Variants in MYH9 observed in about 807,000 individuals in gnomAD.
MYH9 encodes myosin-9.
In MYH9, 29 loss-of-function variants were observed where a neutral mutation model predicts 241.9. The ratio of observed to expected loss-of-function variants is 0.12; its 90% CI spans 0.09 to 0.16. The LOEUF (loss-of-function observed/expected upper bound fraction) is 0.16, where lower values mean the gene tolerates loss of function less well. Among genes scored for constraint, MYH9 ranks in the 10% least tolerant of loss-of-function variants. The pLI, the probability that MYH9 is intolerant of heterozygous loss-of-function variation, is 1.00. For synonymous variants in MYH9, 1,047 were observed against 1,062.6 expected (o/e 0.99, Z 0.29); for missense variants, 1,803 against 2,595.5 (o/e 0.69, Z 6.63).
rs377647827 is a variant in MYH9 at position 36,320,396 on chromosome 22, G to A, written c.869-33C>T. ...GGGTGGAGGGCAAGGGCGCCTCAGCGAGGTGCTGAAAGTGGAGGCTCCATC... is the reference window on the plus strand; with the variant it reads ...GGGTGGAGGGCAAGGGCGCCTCAGCAAGGTGCTGAAAGTGGAGGCTCCATC... On this transcript the variant is annotated intron_variant, in intron 8 of 40. Coordinates refer to ENST00000216181, the MANE Select transcript of MYH9 (RefSeq NM_002473.6). The surrounding 1 kb of genome is among the most constrained non-coding windows in gnomAD (Gnocchi z 4.8). The A allele has an allele frequency of 2.4e-5, 38 of 1,609,188 alleles. No individual in the cohort carries two copies. Among genetic ancestry groups the A allele is most frequent in the Non-Finnish European group, 3.1e-5 (36 of 1,179,962 alleles).
Position 36,321,755 on chromosome 22 carries a change from T to C in MYH9, c.769+3A>G. ...CTCTTATCCCAACGAACCACAAGGA[T>C]ACAAGTCTCAATGTTGGCTCCAACA... On this transcript the variant is annotated splice_donor_region_variant and intron_variant, in intron 7 of 40. Coordinates refer to ENST00000216181, the MANE Select transcript of MYH9 (RefSeq NM_002473.6). 2 of 1,613,802 alleles carry C rather than the reference T, an allele frequency of 1.2e-6. No individual in the cohort carries two copies. Among genetic ancestry groups the C allele is most frequent in the Non-Finnish European group, 1.7e-6 (2 of 1,179,654 alleles).
intron 31 of MYH9, among the ~76,000 whole-genome samples, chr22:36,289,930 C>T (rs2146332850): frequency 6.6e-6 from 1 of 152,196 alleles, no homozygotes; most frequent in Admixed American, 6.5e-5. Context: ...CACAAAGCAA[C>T]CAGAGACAAC....
In MYH9 at chr22:36,354,744, G is replaced by A. The variant is rs1011239319; in HGVS notation, c.-19-5489C>T. On this transcript the variant is annotated intron_variant, in intron 1 of 40. Coordinates refer to ENST00000216181, the MANE Select transcript of MYH9 (RefSeq NM_002473.6). ...CAGGCGTGAGCCACCGCACCCGGCC[G>A]TAGTGTACCACCACCTTGAGATACA... is the stretch of plus-strand genomic sequence containing the variant. Among the ~76,000 whole-genome samples, 9 of 151,940 alleles carry A rather than the reference G, an allele frequency of 5.9e-5. No individual in the cohort carries two copies. The East Asian group carries it at 7.7e-4, about 13-fold the overall frequency.
chr22:36,351,676 C>G (rs1324080492), intron 1 of MYH9, among the ~76,000 whole-genome samples: 1 of 152,162 alleles, frequency 6.6e-6, no homozygotes, highest in Non-Finnish European at 1.5e-5. Context: ...CGCGCCCCTG[C>G]CCTGCTCAAG....
chr22:36,293,622 G>C lies in MYH9; in HGVS notation c.3942+137C>G, dbSNP rs1332991835. On this transcript the variant is annotated intron_variant, in intron 29 of 40. Coordinates refer to ENST00000216181, the MANE Select transcript of MYH9 (RefSeq NM_002473.6). This position sits in a 1 kb window ranked among gnomAD's most constrained non-coding sequence, Gnocchi z 5.1. ...GTAAAGACCTGGAGGGAGCTGGGAG[G>C]ACGCAGAGACCCACCCACAGGATGA... The C allele has an allele frequency of 1.5e-6, 2 of 1,357,834 alleles. No individual in the cohort carries two copies. Among genetic ancestry groups the C allele is most frequent in the African/African-American group, 2.9e-5 (2 of 70,122 alleles). The allele number at this position is 1,357,834 out of a possible 1,614,324, so 84.1% of individuals were successfully genotyped here.
intron 24 of MYH9, 183 bp from the exon 25 acceptor site, chr22:36,297,197 C>T: frequency 1.5e-6 from 1 of 664,934 alleles, no homozygotes; most frequent in South Asian, 1.8e-5. Context: ...AAACTGCTAG[C>T]CCCTGGCATG....
At chr22:36,290,801 C>T (rs1291180229) in intron 31 of MYH9, among the ~76,000 whole-genome samples, 1 of 151,520 alleles carries the variant, frequency 6.6e-6, no homozygotes, top group African/African-American at 2.4e-5. Flanking sequence ...GCCCCGCCGC[C>T]CCGTCTGGGA....
intron 1 of MYH9, among the ~76,000 whole-genome samples, chr22:36,385,427 T>C (rs910495453): frequency 2.6e-5 from 4 of 152,168 alleles, no homozygotes; most frequent in South Asian, 4.1e-4. Flanking sequence ...AGTGTGTTTT[T>C]CTTCTTTTAA....
At position 36,285,480 on chromosome 22, in the gene MYH9, G is replaced by C; in HGVS notation, c.5275-151C>G. The C allele has an allele frequency of 3.0e-6, 4 of 1,316,984 alleles. No individual in the cohort carries two copies. The South Asian group carries it at 3.7e-5, about 12-fold the overall frequency. 81.6% of individuals were successfully genotyped at this position (1,316,984 alleles called of 1,614,324 possible). The stretch of plus-strand genomic sequence containing the variant: ...AGAAAAGGGAAGATTAGAAACTTCT[G>C]AACACCCAACACAGAAGCCAGAGGG... On this transcript the variant is annotated intron_variant, in intron 37 of 40. Coordinates refer to ENST00000216181, the MANE Select transcript of MYH9 (RefSeq NM_002473.6). This position sits in a 1 kb window ranked among gnomAD's most constrained non-coding sequence, Gnocchi z 7.0.
At chr22:36,289,384 G>A (rs1603482806) in intron 31 of MYH9, 87 bp from the exon 32 acceptor site, 1 of 1,291,088 alleles carries the variant, frequency 7.7e-7, no homozygotes, top group Non-Finnish European at 1.1e-6. Flanking sequence ...GGGGAAGGAG[G>A]AGCCCAGAGG....
At chr22:36,338,693 A>G (rs1268873369) in intron 3 of MYH9, among the ~76,000 whole-genome samples, 1 of 151,864 alleles carries the variant, frequency 6.6e-6, no homozygotes, top group Non-Finnish European at 1.5e-5. Flanking sequence ...GGTAGCATGC[A>G]CCTGTAATCC....
rs376084964 is a variant in MYH9 at position 36,386,631 on chromosome 22, C to T, written c.-20+1176G>A. Among the ~76,000 whole-genome samples, 12 of 152,290 alleles carry T rather than the reference C, an allele frequency of 7.9e-5. No individual in the cohort carries two copies. The South Asian group carries it at 1.9e-3, about 24-fold the overall frequency. On this transcript the variant is annotated intron_variant, in intron 1 of 40. Transcript: ENST00000216181. ...CCTCTCAACTGCCCGGTGGAGACAGCCGCCTGCCTCTACGACCTGGGACTT... is the reference window on the plus strand; with the variant it reads ...CCTCTCAACTGCCCGGTGGAGACAGTCGCCTGCCTCTACGACCTGGGACTT...
rs1378265259 is a variant in MYH9 at position 36,320,505 on chromosome 22, G to A, written c.869-142C>T. ...TGGAAACCGCAGAGTAGCCAGTGACGTTCAGCTTTCCTCAGTGTCTGAGAC... is the reference window on the plus strand; with the variant it reads ...TGGAAACCGCAGAGTAGCCAGTGACATTCAGCTTTCCTCAGTGTCTGAGAC... On this transcript the variant is annotated intron_variant, in intron 8 of 40. Transcript: ENST00000216181. The surrounding 1 kb of genome is among the most constrained non-coding windows in gnomAD (Gnocchi z 4.8). 5.4e-6 allele frequency: 6 copies of A among 1,107,256 alleles called. No homozygotes were observed. Among genetic ancestry groups the A allele is most frequent in the African/African-American group, 1.5e-5 (1 of 65,006 alleles). 68.6% of individuals were successfully genotyped at this position (1,107,256 alleles called of 1,614,324 possible).
In MYH9 at chr22:36,309,263, C is replaced by T. The variant is rs746348243; in HGVS notation, c.1843+19G>A. 16 of 1,600,700 alleles carry T rather than the reference C, an allele frequency of 1.0e-5. No homozygotes were observed. The highest frequency in any genetic ancestry group is 4.4e-5 in the South Asian group (4 of 90,738). ...GCCGCAGCCAAGAGGAGGCAGGGGG[C>T]GAAGGGCAAAGGGCGTACCATCCTT... On this transcript the variant is annotated intron_variant, in intron 15 of 40. Coordinates refer to ENST00000216181, the MANE Select transcript of MYH9 (RefSeq NM_002473.6).
intron 15 of MYH9, among the ~76,000 whole-genome samples, chr22:36,307,470 C>A (rs1332380515): frequency 6.6e-6 from 1 of 152,232 alleles, no homozygotes; most frequent in African/African-American, 2.4e-5. Context: ...GTGAAGAATA[C>A]TGACGAAGCC....
At position 36,330,817 on chromosome 22, in the gene MYH9, G is replaced by A. The variant is rs1177605062; in HGVS notation, c.491-3329C>T. Among the ~76,000 whole-genome samples the A allele has an allele frequency of 6.6e-6, 1 of 152,076 alleles. No individual in the cohort carries two copies. Among genetic ancestry groups the A allele is most frequent in the Non-Finnish European group, 1.5e-5 (1 of 68,002 alleles). The stretch of plus-strand genomic sequence containing the variant: ...ACGCCCTTCCTTCCTCTAAACGGGA[G>A]GAGGCCGCCAGGGACAAGCCTCTTC... On this transcript the variant is annotated intron_variant, in intron 3 of 40. Coordinates refer to ENST00000216181, the MANE Select transcript of MYH9 (RefSeq NM_002473.6). This position sits in a 1 kb window ranked among gnomAD's most constrained non-coding sequence, Gnocchi z 4.5.
Position 36,285,025 on chromosome 22 carries a change from C to CA in MYH9, c.5483+95dup. The CA allele has an allele frequency of 1.7e-6, 2 of 1,165,448 alleles. No individual in the cohort carries two copies. The highest frequency in any genetic ancestry group is 2.6e-5 in the South Asian group (2 of 75,624). The allele number at this position is 1,165,448 out of a possible 1,614,324, so 72.2% of individuals were successfully genotyped here. A position where few individuals can be genotyped will look rare whatever the true frequency, so the allele number is the denominator to read the frequency against. ...GGGAAACAGCCCCAGGCTCAGGAGA[C>CA]AGAGAGCTGGTTGTGGCCCAGATTT... is the stretch of plus-strand genomic sequence containing the variant. On this transcript the variant is annotated intron_variant, in intron 38 of 40. Coordinates refer to ENST00000216181, the MANE Select transcript of MYH9 (RefSeq NM_002473.6). The surrounding 1 kb of genome is among the most constrained non-coding windows in gnomAD (Gnocchi z 7.0).
rs1239662496 is a variant in MYH9, at chr22:36,284,011, T to C, written c.5765+82A>G. On this transcript the variant is annotated intron_variant, in intron 40 of 40. Transcript: ENST00000216181. ...TCCTTTCTTGGTGACATTCGTGCCT[T>C]GCTTGTGGGCTCTGGTTGAGGAACA... The C allele has an allele frequency of 7.7e-6, 12 of 1,550,434 alleles. No individual in the cohort carries two copies. The East Asian group carries it at 2.5e-4, about 32-fold the overall frequency.
chr22:36,306,903 A>G lies in MYH9; in HGVS notation c.1844-296T>C, dbSNP rs536689358. ...GCCACTCTCGAAGCTCTTATTTCCA[A>G]AAAGACTCAATGAAGCTAGTCATGT... On this transcript the variant is annotated intron_variant, in intron 15 of 40. Coordinates refer to ENST00000216181, the MANE Select transcript of MYH9 (RefSeq NM_002473.6). The surrounding 1 kb of genome is among the most constrained non-coding windows in gnomAD (Gnocchi z 4.1). Among the ~76,000 whole-genome samples, 4 of 152,266 alleles carry G rather than the reference A, an allele frequency of 2.6e-5. No individual in the cohort carries two copies. The South Asian group carries it at 6.2e-4, about 24-fold the overall frequency.
Sources: allele counts gnomAD v4.1 joint callset (sites outside exome capture counted in the v4.1 genomes callset), GRCh38; gene constraint gnomAD v4.1.1; non-coding constraint Gnocchi (gnomAD v3.1); transcripts MANE v1.5; gene names NCBI Gene and HGNC (gene_info 2026-07-23, HGNC 2026-07-21).